Variants in SLC47A2 observed in about 807,000 individuals in gnomAD.
SLC47A2 encodes solute carrier family 47 member 2, also known as multidrug and toxin extrusion protein 2.
Under a neutral mutation model 67.7 loss-of-function variants are expected in SLC47A2, and 52 were observed. The observed-to-expected ratio is 0.77, with a 90% CI of 0.61 to 0.97. The LOEUF (loss-of-function observed/expected upper bound fraction) is 0.97, where lower values mean the gene tolerates loss of function less well. Among genes scored for constraint, SLC47A2 ranks in the 50% least tolerant of loss-of-function variants. The pLI is 0.00. For missense variants in SLC47A2, 676 were observed against 712.3 expected (o/e 0.95, Z 0.58); for synonymous variants, 278 against 292.9 (o/e 0.95, Z 0.52).
intron 4 of SLC47A2, among the ~76,000 whole-genome samples, chr17:19,713,413 A>C (rs1968113): frequency 0.46 from 67,328 of 147,464 alleles, 15,441 homozygotes; most frequent in East Asian, 0.47. Context: ...TAATAATAAT[A>C]ATCATCATCA....
chr17:19,709,055 C>T (rs1208811669), intron 5 of SLC47A2, among the ~76,000 whole-genome samples: 1 of 152,228 alleles, frequency 6.6e-6, no homozygotes, highest in Non-Finnish European at 1.5e-5. Context: ...GTGCACAGTG[C>T]CTGGTAGGCC....
In SLC47A2 at chr17:19,681,427, C is replaced by T; in HGVS notation, c.1332G>A (p.Leu444=). ...TATAAGCAACAAAGGCAGCAGTTGC[C>T]AGGAAGACACAGGCCAGCATGCCCA... ...LWLGMLACVF[L]ATAAFVAYTA... The change falls in exon 15 of 17, where the codon CTG becomes CTA. Residue 444 remains leucine (L), a synonymous_variant. Coordinates refer to ENST00000433844, the MANE Select transcript of SLC47A2 (RefSeq NM_001099646.3). 6.2e-7 allele frequency: 1 copy of T among 1,613,738 alleles called. No homozygotes were observed. The highest frequency in any genetic ancestry group is 8.5e-7 in the Non-Finnish European group (1 of 1,179,870).
chr17:19,682,676 C>T (rs1304177278), intron 13 of SLC47A2, among the ~76,000 whole-genome samples: 1 of 152,218 alleles, frequency 6.6e-6, no homozygotes. Flanking sequence ...TGCAAAGTCC[C>T]ATTTGCCTTG....
At chr17:19,706,312 G>C (rs2085934161) in intron 9 of SLC47A2, among the ~76,000 whole-genome samples, 1 of 152,170 alleles carries the variant, frequency 6.6e-6, no homozygotes, top group Non-Finnish European at 1.5e-5. Flanking sequence ...CAAACCAACT[G>C]AATCTCTCAC....
In SLC47A2 at chr17:19,707,846, G is replaced by A; in HGVS notation, c.630-3C>T. On this transcript the variant is annotated splice_polypyrimidine_tract_variant and splice_region_variant and intron_variant, in intron 7 of 16. Coordinates refer to ENST00000433844, the MANE Select transcript of SLC47A2 (RefSeq NM_001099646.3). Reference sequence around the variant, plus strand: ...TGATGTTGGCATAGGCGGAGCCCCTGGGTAAGGAGGGAGAACAGGGCTGCG... The same window carrying A: ...TGATGTTGGCATAGGCGGAGCCCCTAGGTAAGGAGGGAGAACAGGGCTGCG... 1 of 1,585,330 alleles carries A rather than the reference G, an allele frequency of 6.3e-7. No individual in the cohort carries two copies. The highest frequency in any genetic ancestry group is 8.6e-7 in the Non-Finnish European group (1 of 1,166,326).
chr17:19,684,783 A>T (rs2085386333), intron 13 of SLC47A2, among the ~76,000 whole-genome samples: 1 of 151,910 alleles, frequency 6.6e-6, no homozygotes, highest in Admixed American at 6.6e-5. Flanking sequence ...AGACTAAAAC[A>T]TGCATCTATT....
intron 13 of SLC47A2, among the ~76,000 whole-genome samples, chr17:19,689,587 C>T (rs555031986): frequency 3.1e-4 from 47 of 151,770 alleles, no homozygotes; most frequent in African/African-American, 1.1e-3. Context: ...GTCCCAGCTA[C>T]TCAGGAGGCT....
At chr17:19,704,259 G>A in intron 10 of SLC47A2, 81 bp from the exon 11 acceptor site, 1 of 1,144,992 alleles carries the variant, frequency 8.7e-7, no homozygotes, top group Non-Finnish European at 1.2e-6. Context: ...GGCCAAGAGG[G>A]ACGTGAGCGG....
chr17:19,705,984 C>A (rs761302374), intron 9 of SLC47A2, among the ~76,000 whole-genome samples: 1 of 152,150 alleles, frequency 6.6e-6, no homozygotes, highest in Non-Finnish European at 1.5e-5. Context: ...CTGCCCAGTG[C>A]CCCGGAGGCC....
chr17:19,678,926 C>G lies in SLC47A2; in HGVS notation c.1481-20G>C. 1 of 1,553,228 alleles carries G rather than the reference C, an allele frequency of 6.4e-7. No individual in the cohort carries two copies. The highest frequency in any genetic ancestry group is 8.7e-7 in the Non-Finnish European group (1 of 1,146,792). On this transcript the variant is annotated intron_variant, in intron 16 of 16. Transcript: ENST00000433844. The stretch of plus-strand genomic sequence containing the variant: ...TAGCCACTGCGGAAGCAAACAGGAG[C>G]AAACTCAGCAGGTCAGGGGTCAGAG...
intron 3 of SLC47A2, chr17:19,714,338 G>A (rs559065454): frequency 3.7e-5 from 15 of 401,824 alleles, no homozygotes; most frequent in Non-Finnish European, 6.8e-5. Context: ...GCCCCTGCTG[G>A]ACTGCAGGCC....
chr17:19,712,846 C>T, intron 4 of SLC47A2, 101 bp from the exon 5 acceptor site: 1 of 1,148,776 alleles, frequency 8.7e-7, no homozygotes, highest in Non-Finnish European at 1.3e-6. Flanking sequence ...GGCCGCTGTC[C>T]CAGGGTCTCA....
At chr17:19,690,406 G>C (rs1344747007) in intron 13 of SLC47A2, among the ~76,000 whole-genome samples, 2 of 151,980 alleles carry the variant, frequency 1.3e-5, no homozygotes, top group Non-Finnish European at 2.9e-5. Context: ...AGCAGCCAAG[G>C]CAAAAATGGA....
chr17:19,713,993 G>A lies in SLC47A2; in HGVS notation c.295-20C>T, dbSNP rs2086180122. 1.2e-6 allele frequency: 2 copies of A among 1,605,830 alleles called. No homozygotes were observed. Among genetic ancestry groups the A allele is most frequent in the Non-Finnish European group, 1.7e-6 (2 of 1,174,560 alleles). ...GAAGCTCTGCAAAACAGCCCGCCCC[G>A]CGTCAGCCGTTTCCACTGCCCGGGA... is the stretch of plus-strand genomic sequence containing the variant. On this transcript the variant is annotated intron_variant, in intron 3 of 16. Coordinates refer to ENST00000433844, the MANE Select transcript of SLC47A2 (RefSeq NM_001099646.3).
rs375269147 is a variant in SLC47A2, at chr17:19,713,971, G to A, written c.297C>T (p.Ser99=). The A allele has an allele frequency of 1.1e-5, 17 of 1,611,908 alleles. No homozygotes were observed. Among genetic ancestry groups the A allele is most frequent in the Non-Finnish European group, 1.4e-5 (17 of 1,178,602 alleles). Reference sequence around the variant, plus strand: ...CGTGCTTCTTGTTGGGGCTGCCGAAGCTCTGCAAAACAGCCCGCCCCGCGT... The same window carrying A: ...CGTGCTTCTTGTTGGGGCTGCCGAAACTCTGCAAAACAGCCCGCCCCGCGT... ...SSACDTLMSQ[S]FGSPNKKHVG... is the part of the protein sequence containing the mutation. Residue 99 remains serine (S), a splice_region_variant and synonymous_variant, in exon 4 of 17, where the codon AGC becomes AGT. Coordinates refer to ENST00000433844, the MANE Select transcript of SLC47A2 (RefSeq NM_001099646.3).
At chr17:19,714,816 G>A (rs1328026553) in intron 2 of SLC47A2, 27 bp from the exon 3 acceptor site, 2 of 1,613,730 alleles carry the variant, frequency 1.2e-6, no homozygotes, top group Non-Finnish European at 1.7e-6. Context: ...GAGGAAACAA[G>A]AGCTTGTCAG....
intron 13 of SLC47A2, 45 bp from the exon 14 acceptor site, chr17:19,681,715 T>A (rs1165698485): frequency 6.3e-7 from 1 of 1,579,514 alleles, no homozygotes; most frequent in East Asian, 2.2e-5. Flanking sequence ...ATGATGAGAC[T>A]AAGAGCAGGT....
intron 13 of SLC47A2, among the ~76,000 whole-genome samples, chr17:19,690,988 G>A (rs551185794): frequency 6.6e-6 from 1 of 152,210 alleles, no homozygotes; most frequent in South Asian, 2.1e-4. Context: ...TGGGCGTAGT[G>A]GTGCATGCCT....
intron 10 of SLC47A2, chr17:19,704,895 G>A (rs1487118537): frequency 4.4e-5 from 20 of 452,956 alleles, no homozygotes; most frequent in African/African-American, 3.5e-4. Flanking sequence ...GCACGATCTC[G>A]GCTCACTGCA....
Sources: allele counts gnomAD v4.1 joint callset (sites outside exome capture counted in the v4.1 genomes callset), GRCh38; gene constraint gnomAD v4.1.1; transcripts MANE v1.5; gene names NCBI Gene and HGNC (gene_info 2026-07-23, HGNC 2026-07-21).